Variants in TXNRD1 observed in about 807,000 individuals in gnomAD.
The protein encoded by TXNRD1 is thioredoxin reductase 1, cytoplasmic.
A neutral mutation model predicts 80.3 loss-of-function variants in TXNRD1; 57 were observed. The observed-to-expected ratio is 0.71, with a 90% CI of 0.57 to 0.89. TXNRD1 has a LOEUF of 0.89. Among genes scored for constraint, TXNRD1 ranks in the 40% least tolerant of loss-of-function variants. The pLI is 0.00. For synonymous variants in TXNRD1, 291 were observed against 285.2 expected (o/e 1.02, Z -0.20); for missense variants, 730 against 803.0 (o/e 0.91, Z 1.10).
At chr12:104,231,348 G>A (rs2032617707) in intron 1 of TXNRD1, among the ~76,000 whole-genome samples, 1 of 152,184 alleles carries the variant, frequency 6.6e-6, no homozygotes, top group African/African-American at 2.4e-5. Context: ...TCAGAAGAAT[G>A]GCATGTCCAT....
chr12:104,347,045 A>G (rs920208858), intron 16 of TXNRD1, among the ~76,000 whole-genome samples: 2 of 152,196 alleles, frequency 1.3e-5, no homozygotes. Flanking sequence ...CAGTGAGCCA[A>G]GATTGTGCCG....
rs181803988 is a variant in TXNRD1, at chr12:104,338,639, G to T, written c.1747-500G>T. Among the ~76,000 whole-genome samples, 60 of 151,808 alleles carry T rather than the reference G, an allele frequency of 4.0e-4. 1 individual carries two copies. The highest frequency in any genetic ancestry group is 1.3e-3 in the African/African-American group (52 of 41,456). On this transcript the variant is annotated intron_variant, in intron 15 of 16. Transcript: ENST00000525566. ...TTGAATCCAGGAGGCGGAGGTTGCGGTGAGTGGAGATCGCGCCATTGCACT... is the reference window on the plus strand; with the variant it reads ...TTGAATCCAGGAGGCGGAGGTTGCGTTGAGTGGAGATCGCGCCATTGCACT...
At chr12:104,316,009 T>A (rs1274311159) in intron 7 of TXNRD1, 113 bp downstream of exon 7, 8 of 1,228,062 alleles carry the variant, frequency 6.5e-6, no homozygotes, top group Non-Finnish European at 8.8e-6. Context: ...TTGTTTTTAT[T>A]GTTTACATTT....
intron 13 of TXNRD1, among the ~76,000 whole-genome samples, chr12:104,328,085 G>T (rs2035827120): frequency 6.6e-6 from 1 of 151,096 alleles, no homozygotes; most frequent in Non-Finnish European, 1.5e-5. Flanking sequence ...CTTGAACGGG[G>T]AACTGGGAGG....
rs2033745000 is a variant in TXNRD1 at position 104,275,755 on chromosome 12, G to A, written c.305-13176G>A. Among the ~76,000 whole-genome samples, 4 of 152,150 alleles carry A rather than the reference G, an allele frequency of 2.6e-5. No individual in the cohort carries two copies. The South Asian group carries it at 8.3e-4, about 32-fold the overall frequency. ...TACTGTGAATGACCAACCTGTAAAA[G>A]GGGAAAATCCAAACTTCTAACCACA... is the stretch of plus-strand genomic sequence containing the variant. On this transcript the variant is annotated intron_variant, in intron 3 of 16. Transcript: ENST00000525566.
At chr12:104,315,937 G>A (rs1362716293) in intron 7 of TXNRD1, 41 bp downstream of exon 7, 2 of 1,570,358 alleles carry the variant, frequency 1.3e-6, no homozygotes, top group African/African-American at 1.4e-5. Flanking sequence ...GTGCTTTTGG[G>A]GGTTTGAGCT....
chr12:104,287,297 T>G, intron 3 of TXNRD1: 1 of 1,613,958 alleles, frequency 6.2e-7, no homozygotes, highest in Non-Finnish European at 8.5e-7. Flanking sequence ...GGCAGCTTCG[T>G]GGCGTGTGCG....
intron 16 of TXNRD1, among the ~76,000 whole-genome samples, chr12:104,341,665 C>A (rs989734350): frequency 6.9e-6 from 1 of 144,298 alleles, no homozygotes; most frequent in Non-Finnish European, 1.5e-5. Flanking sequence ...CTAGAAACAA[C>A]CAATTGTCTA....
At chr12:104,260,848 A>G (rs2033351226) in intron 3 of TXNRD1, among the ~76,000 whole-genome samples, 1 of 152,220 alleles carries the variant, frequency 6.6e-6, no homozygotes, top group Admixed American at 6.5e-5. Context: ...AGATAAAGCA[A>G]ATGAACATGT....
chr12:104,227,614 T>G (rs1208374018), intron 1 of TXNRD1, among the ~76,000 whole-genome samples: 2 of 152,104 alleles, frequency 1.3e-5, no homozygotes, highest in African/African-American at 4.8e-5. Flanking sequence ...ATGATCGGGT[T>G]ACATAACAGT....
intron 15 of TXNRD1, among the ~76,000 whole-genome samples, 175 bp from the exon 16 acceptor site, chr12:104,338,964 C>A (rs2135883987): frequency 6.6e-6 from 1 of 152,274 alleles, no homozygotes; most frequent in African/African-American, 2.4e-5. Context: ...GATCCACCTG[C>A]CTCGGCCTCC....
At chr12:104,275,392 TTAAAAG>T (rs1490577158) in intron 3 of TXNRD1, among the ~76,000 whole-genome samples, 2 of 152,010 alleles carry the variant, frequency 1.3e-5, no homozygotes, top group Non-Finnish European at 2.9e-5. Flanking sequence ...TGCTTGCTAA[TTAAAAG>T]TAAAATGAAA....
intron 1 of TXNRD1, among the ~76,000 whole-genome samples, chr12:104,247,869 T>C (rs889959121): frequency 8.5e-5 from 13 of 152,192 alleles, no homozygotes; most frequent in African/African-American, 2.7e-4. Flanking sequence ...TAAGGCGTTA[T>C]GGAATCAGGA....
intron 14 of TXNRD1, 176 bp from the exon 15 acceptor site, chr12:104,334,061 G>C: frequency 2.7e-6 from 1 of 368,002 alleles, no homozygotes; most frequent in African/African-American, 2.1e-5. Flanking sequence ...AAAAGTGCCT[G>C]ACAGCAAGGA....
intron 4 of TXNRD1, among the ~76,000 whole-genome samples, chr12:104,310,708 T>C (rs924229431): frequency 1.3e-5 from 2 of 152,208 alleles, no homozygotes; most frequent in Non-Finnish European, 2.9e-5. Context: ...ATATTAAATA[T>C]GGGAGACTTC....
In TXNRD1 at chr12:104,325,429, G is replaced by T. The variant is rs771896901; in HGVS notation, c.1308G>T (p.Thr436=). The change falls in exon 11 of 17, where the codon ACG becomes ACT. Residue 436 remains threonine (T), a splice_region_variant and synonymous_variant. Coordinates refer to ENST00000525566, the MANE Select transcript of TXNRD1 (RefSeq NM_001093771.3). ...SEEIIEGEYN[T]VMLAIGRDAC... ...AAATCATTGAAGGAGAATATAATAC[G>T]GTAAGGAATGGGCCCAGGTTAATAC... 1 of 1,600,578 alleles carries T rather than the reference G, an allele frequency of 6.2e-7. No homozygotes were observed. Among genetic ancestry groups the T allele is most frequent in the African/African-American group, 1.3e-5 (1 of 74,646 alleles).
chr12:104,248,889 G>A (rs779904483), intron 1 of TXNRD1, among the ~76,000 whole-genome samples: 4 of 151,860 alleles, frequency 2.6e-5, no homozygotes, highest in African/African-American at 4.8e-5. Context: ...GCACGATCTC[G>A]GCTCACTGCA....
At position 104,304,690 on chromosome 12, in the gene TXNRD1, T is replaced by G. The variant is rs553038165; in HGVS notation, c.415-6600T>G. 8 of 1,614,030 alleles carry G rather than the reference T, an allele frequency of 5.0e-6. No individual in the cohort carries two copies. The South Asian group carries it at 8.8e-5, about 18-fold the overall frequency. ...AGTTTGTGATTGATCCAAACTCTTT[T>G]TCTCGTACTGTGGAGAATATATTTT... On this transcript the variant is annotated intron_variant, in intron 4 of 16. Coordinates refer to ENST00000525566, the MANE Select transcript of TXNRD1 (RefSeq NM_001093771.3).
intron 9 of TXNRD1, 39 bp downstream of exon 9, chr12:104,319,624 G>A: frequency 7.0e-7 from 1 of 1,429,826 alleles, no homozygotes; most frequent in Non-Finnish European, 9.6e-7. Context: ...AAAACCCATT[G>A]TGGATATTGC....
Sources: allele counts gnomAD v4.1 joint callset (sites outside exome capture counted in the v4.1 genomes callset), GRCh38; gene constraint gnomAD v4.1.1; transcripts MANE v1.5; gene names NCBI Gene and HGNC (gene_info 2026-07-23, HGNC 2026-07-21).